Variants in PRKCA observed in about 807,000 individuals in gnomAD.
The protein encoded by PRKCA is protein kinase C alpha, also known as protein kinase C alpha type.
PRKCA carries 27 observed loss-of-function variants against 87.0 expected under a neutral mutation model. The ratio of observed to expected loss-of-function variants is 0.31; its 90% CI spans 0.23 to 0.43. The LOEUF is 0.43. Among genes scored for constraint, PRKCA ranks in the 20% least tolerant of loss-of-function variants. The probability of loss-of-function intolerance (pLI) is 1.00; values close to 1 mark genes in which losing one functional copy is unlikely to be tolerated. For synonymous variants in PRKCA, 329 were observed against 311.1 expected, an observed-to-expected ratio of 1.06 and a Z score of -0.61; for missense variants, 518 against 852.3, an observed-to-expected ratio of 0.61 and a Z score of 4.88.
intron 14 of PRKCA, chr17:66,777,683 G>A: frequency 5.1e-6 from 5 of 985,296 alleles, no homozygotes; most frequent in Non-Finnish European, 6.0e-6. Flanking sequence ...TGAATGTTCA[G>A]CTCTTGAGTC....
chr17:66,388,237 A>G (rs1910170770), intron 2 of PRKCA, among the ~76,000 whole-genome samples: 4 of 151,986 alleles, frequency 2.6e-5, no homozygotes, highest in Admixed American at 2.6e-4. Context: ...TGCTTTCATT[A>G]TTTTGTAGAA....
At chr17:66,556,600 G>A (rs958217288) in intron 3 of PRKCA, among the ~76,000 whole-genome samples, 3 of 152,178 alleles carry the variant, frequency 2.0e-5, no homozygotes, top group Non-Finnish European at 4.4e-5. Flanking sequence ...ACCTTGATTT[G>A]TATCAAGAGC....
intron 3 of PRKCA, among the ~76,000 whole-genome samples, chr17:66,637,763 A>G (rs1182698748): frequency 6.6e-6 from 1 of 152,122 alleles, no homozygotes; most frequent in Non-Finnish European, 1.5e-5. Context: ...CAACACAAGG[A>G]TCACTGGCAG....
intron 13 of PRKCA, among the ~76,000 whole-genome samples, chr17:66,749,646 C>A (rs1237287558): frequency 2.0e-5 from 3 of 152,198 alleles, no homozygotes; most frequent in Non-Finnish European, 2.9e-5. Flanking sequence ...GTGCCCCTAC[C>A]CCAGGGTCTG....
chr17:66,759,651 C>G (rs1328805166), intron 13 of PRKCA, among the ~76,000 whole-genome samples: 1 of 151,902 alleles, frequency 6.6e-6, no homozygotes, highest in Non-Finnish European at 1.5e-5. Context: ...TAGAAGATTG[C>G]CAGACTAGAT....
intron 5 of PRKCA, among the ~76,000 whole-genome samples, chr17:66,670,435 A>G (rs1972148597): frequency 6.6e-6 from 1 of 152,236 alleles, no homozygotes; most frequent in South Asian, 2.1e-4. Flanking sequence ...GAGCATGCAC[A>G]ATGCTTCATA....
At chr17:66,763,665 T>C (rs995785072) in intron 13 of PRKCA, among the ~76,000 whole-genome samples, 1 of 152,206 alleles carries the variant, frequency 6.6e-6, no homozygotes, top group African/African-American at 2.4e-5. Flanking sequence ...GTGTGTTTTA[T>C]GCATAAAGGC....
chr17:66,306,169 A>C (rs1313562580), intron 2 of PRKCA, 42 bp downstream of exon 2: 1 of 1,556,538 alleles, frequency 6.4e-7, no homozygotes, highest in East Asian at 2.3e-5. Context: ...CACAACATGA[A>C]ATAAGCATTC....
intron 13 of PRKCA, among the ~76,000 whole-genome samples, chr17:66,767,723 C>G (rs1974842275): frequency 6.6e-6 from 1 of 152,108 alleles, no homozygotes. Flanking sequence ...ATCACAGTGA[C>G]AGGAGGCAAA....
chr17:66,644,849 G>T (rs183650627), intron 4 of PRKCA, among the ~76,000 whole-genome samples: 5 of 152,192 alleles, frequency 3.3e-5, no homozygotes, highest in African/African-American at 1.2e-4. Context: ...TTCAAGCTGG[G>T]TGCAGTGGTT....
intron 5 of PRKCA, among the ~76,000 whole-genome samples, chr17:66,681,841 G>A (rs1972503358): frequency 6.6e-6 from 1 of 152,162 alleles, no homozygotes; most frequent in African/African-American, 2.4e-5. Context: ...CCTCACTCGG[G>A]TGCCTGCAAG....
intron 8 of PRKCA, among the ~76,000 whole-genome samples, chr17:66,721,002 C>T (rs922550391): frequency 6.6e-6 from 1 of 152,108 alleles, no homozygotes; most frequent in African/African-American, 2.4e-5. Context: ...AAAGAAGTCC[C>T]AATCCAGACC....
At chr17:66,643,524 CAT>C (rs1260250083) in intron 4 of PRKCA, among the ~76,000 whole-genome samples, 1 of 152,182 alleles carries the variant, frequency 6.6e-6, no homozygotes, top group Non-Finnish European at 1.5e-5. Flanking sequence ...AAATAACACT[CAT>C]ATGGTTTACA....
At chr17:66,501,420 A>G (rs1474492601) in intron 3 of PRKCA, among the ~76,000 whole-genome samples, 1 of 152,202 alleles carries the variant, frequency 6.6e-6, no homozygotes, top group Non-Finnish European at 1.5e-5. Context: ...AGCAATTCCT[A>G]GACTTTAAGT....
intron 2 of PRKCA, among the ~76,000 whole-genome samples, chr17:66,406,493 C>T (rs1476259551): frequency 1.3e-5 from 2 of 151,076 alleles, no homozygotes; most frequent in East Asian, 2.0e-4. Context: ...CTGTATCATG[C>T]CTGGAAAATA....
At position 66,803,731 on chromosome 17, in the gene PRKCA, C is replaced by A. The variant is rs113349602; in HGVS notation, c.1855-142C>A. 162 of 1,118,944 alleles carry A rather than the reference C, an allele frequency of 1.4e-4. No homozygotes were observed. In the African/African-American group the frequency reaches 1.9e-3, roughly 13 times the overall value. 69.3% of individuals were successfully genotyped at this position (1,118,944 alleles called of 1,614,324 possible). Reference sequence around the variant, plus strand: ...GTGCCTGGCTTTTCAATCCAATAGGCCTGCAAGTCCTCCGAGATTCCTCCT... The same window carrying A: ...GTGCCTGGCTTTTCAATCCAATAGGACTGCAAGTCCTCCGAGATTCCTCCT... On this transcript the variant is annotated intron_variant, in intron 16 of 16. Transcript: ENST00000413366. The surrounding 1 kb of genome is among the most constrained non-coding windows in gnomAD (Gnocchi z 4.4).
intron 2 of PRKCA, among the ~76,000 whole-genome samples, chr17:66,379,793 C>T (rs996301946): frequency 6.6e-6 from 1 of 152,094 alleles, no homozygotes; most frequent in African/African-American, 2.4e-5. Context: ...GAAACCATTG[C>T]CAAATCTAAG....
chr17:66,334,292 A>G (rs1014105066), intron 2 of PRKCA, among the ~76,000 whole-genome samples: 5 of 152,190 alleles, frequency 3.3e-5, no homozygotes, highest in South Asian at 2.1e-4. Context: ...GTAATATAGT[A>G]TAAAAAAGAA....
chr17:66,468,667 T>C (rs998475208), intron 2 of PRKCA, among the ~76,000 whole-genome samples: 1 of 152,016 alleles, frequency 6.6e-6, no homozygotes, highest in African/African-American at 2.4e-5. Context: ...CAGCTAACTA[T>C]GGCAGCATTA....
Sources: allele counts gnomAD v4.1 joint callset (sites outside exome capture counted in the v4.1 genomes callset), GRCh38; gene constraint gnomAD v4.1.1; non-coding constraint Gnocchi (gnomAD v3.1); transcripts MANE v1.5; gene names NCBI Gene and HGNC (gene_info 2026-07-23, HGNC 2026-07-21).